Variants in NBDY observed in about 807,000 individuals in gnomAD.
The protein encoded by NBDY is P-body dissociating protein.
intron 2 of NBDY, among the ~76,000 whole-genome samples, chrX:56,793,401 C>T (rs1053941161): frequency 8.9e-6 from 1 of 111,782 alleles, no homozygotes; most frequent in Non-Finnish European, 1.9e-5. Flanking sequence ...GCAGGATCTC[C>T]AGTCTACAGG....
chrX:56,812,977 C>A (rs1354292419), intron 2 of NBDY, among the ~76,000 whole-genome samples: 2 of 110,476 alleles, frequency 1.8e-5, no homozygotes, highest in African/African-American at 3.3e-5. Flanking sequence ...AGTTCAGTTT[C>A]TCTGGTGAAC....
intron 2 of NBDY, among the ~76,000 whole-genome samples, chrX:56,751,019 C>G (rs998774483): frequency 2.2e-4 from 24 of 111,329 alleles, no homozygotes; most frequent in Admixed American, 2.1e-3. Context: ...TTCTTGCTTT[C>G]TATGATAATG....
chrX:56,753,115 G>A (rs1371429738), intron 2 of NBDY, among the ~76,000 whole-genome samples: 1 of 112,514 alleles, frequency 8.9e-6, no homozygotes, highest in Non-Finnish European at 1.9e-5. Context: ...GTTCTATTCA[G>A]TCAACACTTA....
chrX:56,744,616 T>C (rs2069547413), intron 2 of NBDY, among the ~76,000 whole-genome samples: 1 of 111,774 alleles, frequency 8.9e-6, no homozygotes. Context: ...ATCCAAACAT[T>C]ATCTTTCTTT....
intron 2 of NBDY, among the ~76,000 whole-genome samples, chrX:56,787,899 A>C (rs1038113804): frequency 5.3e-5 from 6 of 112,768 alleles, no homozygotes; most frequent in African/African-American, 1.3e-4. Flanking sequence ...CTCTACCTGC[A>C]GTTCCAGGCC....
At chrX:56,790,788 C>G (rs1408838509) in intron 2 of NBDY, among the ~76,000 whole-genome samples, 1 of 112,534 alleles carries the variant, frequency 8.9e-6, no homozygotes, top group Admixed American at 9.4e-5. Flanking sequence ...ACTCCCAGAT[C>G]TGGTTGTCTA....
chrX:56,785,174 C>T (rs2069720164), intron 2 of NBDY, among the ~76,000 whole-genome samples: 1 of 111,092 alleles, frequency 9.0e-6, no homozygotes, highest in African/African-American at 3.3e-5. Context: ...GACCATGGAA[C>T]AGGAGTCACC....
chrX:56,758,726 GT>G (rs887889436), intron 2 of NBDY, among the ~76,000 whole-genome samples: 2 of 111,968 alleles, frequency 1.8e-5, no homozygotes, highest in Non-Finnish European at 3.8e-5. Context: ...TGTGGTGGGT[GT>G]GGAAGTGGAG....
chrX:56,757,705 G>T (rs543287090), intron 2 of NBDY, among the ~76,000 whole-genome samples: 7 of 110,808 alleles, frequency 6.3e-5, no homozygotes, highest in South Asian at 3.9e-4. Flanking sequence ...GAACGGGAGG[G>T]GAGGGGAGGA....
intron 2 of NBDY, among the ~76,000 whole-genome samples, chrX:56,798,979 A>G (rs771635755): frequency 8.9e-6 from 1 of 112,347 alleles, no homozygotes; most frequent in African/African-American, 3.2e-5. Context: ...TTGTGGAGCC[A>G]TAGTGCCATC....
At chrX:56,751,324 C>T (rs766621665) in intron 2 of NBDY, among the ~76,000 whole-genome samples, 1 of 111,493 alleles carries the variant, frequency 9.0e-6, no homozygotes, top group South Asian at 3.8e-4. Context: ...TGTCTTCAGC[C>T]TCTAAAAATA....
intron 2 of NBDY, among the ~76,000 whole-genome samples, chrX:56,803,034 C>CATAGTG (rs1177530633): frequency 2.7e-5 from 3 of 111,580 alleles, no homozygotes; most frequent in Non-Finnish European, 5.6e-5. Flanking sequence ...TTTGTAGAGC[C>CATAGTG]ATAGTGCCAT....
At chrX:56,758,442 C>T (rs908074670) in intron 2 of NBDY, among the ~76,000 whole-genome samples, 2 of 111,473 alleles carry the variant, frequency 1.8e-5, no homozygotes, top group Non-Finnish European at 3.8e-5. Flanking sequence ...CAGGACAGGA[C>T]GAGACAGACT....
intron 2 of NBDY, among the ~76,000 whole-genome samples, chrX:56,735,807 C>G (rs186960580): frequency 4.5e-5 from 5 of 111,592 alleles, no homozygotes; most frequent in African/African-American, 1.6e-4. Flanking sequence ...CTGCCTCCTT[C>G]TGCGAAGTAG....
At chrX:56,735,540 A>G (rs1339687028) in intron 2 of NBDY, among the ~76,000 whole-genome samples, 1 of 111,747 alleles carries the variant, frequency 8.9e-6, no homozygotes. Flanking sequence ...AACAGCATTC[A>G]TAAGCATGGT....
intron 2 of NBDY, among the ~76,000 whole-genome samples, chrX:56,745,543 C>A (rs1015045529): frequency 4.5e-5 from 5 of 110,594 alleles, no homozygotes; most frequent in African/African-American, 1.3e-4. Context: ...ACTATTACAC[C>A]CAGAGAAATT....
At chrX:56,733,237 CT>C (rs1200034576) in intron 2 of NBDY, among the ~76,000 whole-genome samples, 1 of 108,801 alleles carries the variant, frequency 9.2e-6, no homozygotes, top group Non-Finnish European at 1.9e-5. Context: ...TATGGGATTC[CT>C]TTTTTAAAAA....
At chrX:56,752,987 A>G (rs2069593297) in intron 2 of NBDY, among the ~76,000 whole-genome samples, 1 of 112,677 alleles carries the variant, frequency 8.9e-6, no homozygotes, top group Non-Finnish European at 1.9e-5. Context: ...TAGAATGTTT[A>G]TCTAATGTGT....
Position 56,751,387 on chromosome X carries a change from G to T in NBDY, c.*166+19188G>T, listed in dbSNP as rs373410329. ...CTGGTATTTGTCTATTATTGCACAT[G>T]TCAAACAATAACTTGGTGAATGTAC... On this transcript the variant is annotated intron_variant, in intron 2 of 2. Transcript: ENST00000374922. Among the ~76,000 whole-genome samples the T allele has an allele frequency of 2.7e-5, 3 of 111,609 alleles. No homozygotes were observed. In the South Asian group the frequency reaches 1.1e-3, roughly 42 times the overall value.
Sources: gnomAD v4.1 joint callset for allele counts (sites outside exome capture counted in the v4.1 genomes callset) on GRCh38, gnomAD v4.1.1 for gene constraint, MANE v1.5 for transcripts, NCBI Gene and HGNC (gene_info 2026-07-23, HGNC 2026-07-21) for gene names.